Variants in PLSCR1 observed in about 807,000 individuals in gnomAD.
PLSCR1 encodes phospholipid scramblase 1, also known as PL scramblase 1.
PLSCR1 carries 17 observed loss-of-function variants against 37.8 expected under a neutral mutation model. The observed-to-expected ratio is 0.45, with a 90% CI of 0.31 to 0.68. The LOEUF (loss-of-function observed/expected upper bound fraction) is 0.68. PLSCR1 is among the 30% of genes least tolerant of loss of function. The pLI, the probability that PLSCR1 is intolerant of heterozygous loss-of-function variation, is 0.06. For missense variants in PLSCR1, 347 were observed against 380.9 expected (o/e 0.91, Z 0.74); for synonymous variants, 116 against 125.9 (o/e 0.92, Z 0.53).
chr3:146,532,276 C>T (rs2044209510), intron 3 of PLSCR1, among the ~76,000 whole-genome samples: 1 of 152,136 alleles, frequency 6.6e-6, no homozygotes, highest in African/African-American at 2.4e-5. Flanking sequence ...ATATTATAGA[C>T]TTACTAATGA....
chr3:146,517,311 C>T (rs955960875), intron 7 of PLSCR1, 144 bp from the exon 8 acceptor site: 1 of 414,022 alleles, frequency 2.4e-6, no homozygotes, highest in Non-Finnish European at 4.2e-6. Context: ...GCTCCTGTAT[C>T]TATTTATAGA....
chr3:146,526,183 C>CAAAAAAAAAAAAAAAAAA (rs60229241), intron 4 of PLSCR1, among the ~76,000 whole-genome samples: 1 of 42,812 alleles, frequency 2.3e-5, no homozygotes, highest in African/African-American at 9.7e-5. Flanking sequence ...GACTCCATCT[C>CAAAAAAAAAAAAAAAAAA]AAAAAAAAAA....
In PLSCR1 at chr3:146,544,567, C is replaced by G. The variant is rs78814560; in HGVS notation, c.-114G>C. 1 of 152,400 alleles carries G rather than the reference C, an allele frequency of 6.6e-6. No individual in the cohort carries two copies. The highest frequency in any genetic ancestry group is 1.9e-4 in the East Asian group (1 of 5,200). 9.4% of individuals were successfully genotyped at this position (152,400 alleles called of 1,614,324 possible). A position where few individuals can be genotyped will look rare whatever the true frequency, so the allele number is the denominator to read the frequency against. On this transcript the variant is annotated 5_prime_UTR_variant, in exon 1 of 9. Transcript: ENST00000342435. The stretch of plus-strand genomic sequence containing the variant: ...TGCGCCTCTAGACTGCCGGGCACAG[C>G]TGCTGCGCAACCTTCTCAGAAGTCA...
intron 4 of PLSCR1, among the ~76,000 whole-genome samples, chr3:146,526,873 G>A (rs1346640776): frequency 6.6e-6 from 1 of 152,208 alleles, no homozygotes; most frequent in African/African-American, 2.4e-5. Flanking sequence ...CAGGCGCAGT[G>A]GTTCACGACT....
chr3:146,537,828 T>C (rs907881764), intron 1 of PLSCR1, among the ~76,000 whole-genome samples: 8 of 152,304 alleles, frequency 5.3e-5, no homozygotes, highest in African/African-American at 1.4e-4. Context: ...TATGATGTCA[T>C]CACTGCATTC....
chr3:146,528,888 C>A (rs969734228), intron 3 of PLSCR1, 57 bp from the exon 4 acceptor site: 57 of 1,295,300 alleles, frequency 4.4e-5, no homozygotes, highest in South Asian at 3.3e-4. Context: ...AATTGTCAAC[C>A]TTTTTAGGGT....
chr3:146,521,173 G>T (rs750459461), intron 7 of PLSCR1, among the ~76,000 whole-genome samples: 2 of 152,156 alleles, frequency 1.3e-5, no homozygotes, highest in Non-Finnish European at 2.9e-5. Flanking sequence ...ATTGGCAGAT[G>T]ATATTTCAGA....
At chr3:146,528,158 G>A (rs895679565) in intron 4 of PLSCR1, 1 of 155,130 alleles carries the variant, frequency 6.4e-6, no homozygotes, top group African/African-American at 2.4e-5. Context: ...TCAGTATTGA[G>A]ACTAAAGAGC....
rs553957132 is a variant in PLSCR1, at chr3:146,515,563, C to G, written c.*482G>C. On this transcript the variant is annotated 3_prime_UTR_variant, in exon 9 of 9. Coordinates refer to ENST00000342435, the MANE Select transcript of PLSCR1 (RefSeq NM_021105.3). ...TCTTGAAGATTAAAAAAACATTTAACTTTTTAAAGATAATATGCATATTGA... is the reference window on the plus strand; with the variant it reads ...TCTTGAAGATTAAAAAAACATTTAAGTTTTTAAAGATAATATGCATATTGA... 2 of 151,868 alleles carry G rather than the reference C, an allele frequency of 1.3e-5. No individual in the cohort carries two copies. Among genetic ancestry groups the G allele is most frequent in the Non-Finnish European group, 2.9e-5 (2 of 67,888 alleles). The allele number at this position is 151,868 out of a possible 1,614,324, so 9.4% of individuals were successfully genotyped here. A position where few individuals can be genotyped will look rare whatever the true frequency, so the allele number is the denominator to read the frequency against.
chr3:146,534,700 AC>A (rs2044243204), intron 2 of PLSCR1, among the ~76,000 whole-genome samples: 1 of 151,842 alleles, frequency 6.6e-6, no homozygotes, highest in African/African-American at 2.4e-5. Context: ...ACAAAATGAA[AC>A]CCCATCTCTA....
intron 4 of PLSCR1, 142 bp downstream of exon 4, chr3:146,528,472 C>A: frequency 1.5e-6 from 1 of 680,002 alleles, no homozygotes; most frequent in Non-Finnish European, 2.6e-6. Flanking sequence ...TGAACCAGAC[C>A]TAGAAGAATT....
At chr3:146,527,206 G>T (rs1219591470) in intron 4 of PLSCR1, among the ~76,000 whole-genome samples, 7 of 152,142 alleles carry the variant, frequency 4.6e-5, no homozygotes, top group African/African-American at 1.7e-4. Flanking sequence ...GGTATAAAGA[G>T]AAGTTGGTTA....
intron 5 of PLSCR1, among the ~76,000 whole-genome samples, chr3:146,522,817 C>A (rs1295634064): frequency 1.3e-5 from 2 of 152,218 alleles, no homozygotes; most frequent in African/African-American, 4.8e-5. Context: ...TATATTCCAT[C>A]TACTGAGATA....
At chr3:146,530,050 C>A (rs2044175028) in intron 3 of PLSCR1, among the ~76,000 whole-genome samples, 1 of 152,132 alleles carries the variant, frequency 6.6e-6, no homozygotes, top group African/African-American at 2.4e-5. Flanking sequence ...AATTTAATAA[C>A]AGTAAATGTA....
intron 1 of PLSCR1, among the ~76,000 whole-genome samples, chr3:146,538,739 C>T (rs1050957799): frequency 2.0e-5 from 3 of 151,720 alleles, no homozygotes; most frequent in Non-Finnish European, 4.4e-5. Flanking sequence ...TTTTGGCAAA[C>T]AGACTACTCA....
chr3:146,524,788 C>T (rs1415133484), intron 5 of PLSCR1, among the ~76,000 whole-genome samples: 1 of 152,076 alleles, frequency 6.6e-6, no homozygotes, highest in Non-Finnish European at 1.5e-5. Context: ...TTAGCCAAAT[C>T]CATTATTCTG....
intron 1 of PLSCR1, among the ~76,000 whole-genome samples, chr3:146,542,014 T>C (rs2044343973): frequency 6.6e-6 from 1 of 152,210 alleles, no homozygotes. Flanking sequence ...ATCACATATA[T>C]GATGGTGGTC....
chr3:146,516,862 A>G (rs2043954212), intron 8 of PLSCR1, 144 bp downstream of exon 8: 1 of 598,830 alleles, frequency 1.7e-6, no homozygotes, highest in East Asian at 3.3e-5. Context: ...ATCAAATAGA[A>G]TTTCAGAGCT....
At chr3:146,537,743 G>A (rs912322687) in intron 1 of PLSCR1, among the ~76,000 whole-genome samples, 2 of 152,090 alleles carry the variant, frequency 1.3e-5, no homozygotes, top group East Asian at 1.9e-4. Context: ...GGTGGCATGC[G>A]CTTGTAGTCC....
Sources: allele counts gnomAD v4.1 joint callset (sites outside exome capture counted in the v4.1 genomes callset), GRCh38; gene constraint gnomAD v4.1.1; transcripts MANE v1.5; gene names NCBI Gene and HGNC (gene_info 2026-07-23, HGNC 2026-07-21).